Variants in LRCH2 observed in about 807,000 individuals in gnomAD.
LRCH2 encodes the protein leucine rich repeats and calponin homology domain containing 2.
Under a neutral mutation model 68.9 loss-of-function variants are expected in LRCH2, and 38 were observed. That is an observed-to-expected ratio of 0.55 (90% CI 0.43 to 0.72). The LOEUF is 0.72. Among genes scored for constraint, LRCH2 ranks in the 30% least tolerant of loss-of-function variants. LRCH2 has a pLI of 0.00. For missense variants in LRCH2, 528 were observed against 572.9 expected (o/e 0.92, Z 0.80); for synonymous variants, 191 against 208.1 (o/e 0.92, Z 0.71).
intron 1 of LRCH2, among the ~76,000 whole-genome samples, chrX:115,205,472 T>A (rs1204118749): frequency 8.9e-6 from 1 of 112,248 alleles, no homozygotes; most frequent in Non-Finnish European, 1.9e-5. Flanking sequence ...CTTCATCAAT[T>A]TTCATCATCA....
intron 20 of LRCH2, among the ~76,000 whole-genome samples, chrX:115,116,340 G>A (rs782629529): frequency 4.5e-5 from 5 of 111,227 alleles, no homozygotes; most frequent in Non-Finnish European, 7.6e-5. Context: ...ACAACATGTG[G>A]TATGTATTTA....
At chrX:115,118,849 C>A (rs1374474309) in intron 20 of LRCH2, among the ~76,000 whole-genome samples, 1 of 110,439 alleles carries the variant, frequency 9.1e-6, no homozygotes, top group Non-Finnish European at 1.9e-5. Context: ...CCCTGGGATG[C>A]AAGGCTGGTT....
rs376886499 is a variant in LRCH2 at position 115,122,504 on chromosome X, G to A, written c.2178+23C>T. 8 of 1,151,404 alleles carry A rather than the reference G, an allele frequency of 6.9e-6. No homozygotes were observed. The African/African-American group carries it at 1.1e-4, about 15-fold the overall frequency. 94.9% of individuals were successfully genotyped at this position (1,151,404 alleles called of 1,213,427 possible). ...AATAAATTCAAATTTAAGTGATCAC[G>A]TTGTTAGATAAATAACAATTACCTG... On this transcript the variant is annotated intron_variant, in intron 20 of 20. Transcript: ENST00000317135.
intron 1 of LRCH2, among the ~76,000 whole-genome samples, chrX:115,218,835 G>A (rs782398107): frequency 1.8e-5 from 2 of 111,916 alleles, no homozygotes; most frequent in Non-Finnish European, 3.8e-5. Flanking sequence ...TTTCCCTTTC[G>A]ATAAATCTCA....
chrX:115,165,583 A>G lies in LRCH2; in HGVS notation c.1271T>C (p.Ile424Thr), dbSNP rs1556544295. Residue 424 changes from isoleucine to threonine, a missense_variant, in exon 9 of 21, where the codon ATT becomes ACT. Ile to Thr is a moderately conservative substitution (Grantham distance 89). Coordinates refer to ENST00000317135, the MANE Select transcript of LRCH2 (RefSeq NM_020871.4). The stretch of plus-strand genomic sequence containing the variant: ...CTTAAAGAATGATACAAATGATCCA[A>G]TATGTGCATTTCCCTGTTCAGGAAC... ...VAVPEQGNAH[I>T]GSFVSFFKGK... The G allele has an allele frequency of 8.6e-7, 1 of 1,161,842 alleles. No homozygotes were observed. The highest frequency in any genetic ancestry group is 1.2e-6 in the Non-Finnish European group (1 of 868,689).
rs192210269 is a variant in LRCH2, at chrX:115,195,918, A to G, written c.350-7548T>C. 2.0e-3 allele frequency among the ~76,000 whole-genome samples: 221 copies of G among 111,986 alleles called. 1 individual carries two copies. The highest frequency in any genetic ancestry group is 6.1e-3 in the African/African-American group (189 of 30,823). ...CCTGGGTCCCACACAATTCCTGAGA[A>G]CTAAGTAGCCACAGTAAGATGCGAT... On this transcript the variant is annotated intron_variant, in intron 1 of 20. Coordinates refer to ENST00000317135, the MANE Select transcript of LRCH2 (RefSeq NM_020871.4).
In LRCH2 at chrX:115,121,328, C is replaced by T. The variant is rs1161031318; in HGVS notation, c.2178+1199G>A. On this transcript the variant is annotated intron_variant, in intron 20 of 20. Coordinates refer to ENST00000317135, the MANE Select transcript of LRCH2 (RefSeq NM_020871.4). ...AAAGATTGAGAGTAGAAAAAAGAAA[C>T]AACAAACATTTTTAAGAATTAAAAA... Among the ~76,000 whole-genome samples, 6 of 110,868 alleles carry T rather than the reference C, an allele frequency of 5.4e-5. No individual in the cohort carries two copies. The Admixed American group carries it at 5.8e-4, about 11-fold the overall frequency.
intron 5 of LRCH2, among the ~76,000 whole-genome samples, chrX:115,174,855 T>C (rs2072635107): frequency 9.0e-6 from 1 of 111,649 alleles, no homozygotes; most frequent in Non-Finnish European, 1.9e-5. Flanking sequence ...TCCCTTTGCA[T>C]GCTAATGAAT....
intron 16 of LRCH2, among the ~76,000 whole-genome samples, 163 bp downstream of exon 16, chrX:115,126,680 G>A (rs781934100): frequency 9.0e-6 from 1 of 111,166 alleles, no homozygotes; most frequent in African/African-American, 3.3e-5. Flanking sequence ...TTATAGGCTA[G>A]AAGGTTTGTA....
intron 1 of LRCH2, chrX:115,190,549 C>T (rs782360886): frequency 7.3e-5 from 85 of 1,166,069 alleles, no homozygotes; most frequent in Non-Finnish European, 9.1e-5. Flanking sequence ...TAGTGGGGGC[C>T]GCAGCAGTTC....
At chrX:115,151,177 G>A (rs914348362) in intron 12 of LRCH2, among the ~76,000 whole-genome samples, 3 of 111,432 alleles carry the variant, frequency 2.7e-5, no homozygotes, top group African/African-American at 9.8e-5. Context: ...GGATGATCAC[G>A]AAGAGAAAAG....
chrX:115,115,039 C>T lies in LRCH2; in HGVS notation c.2179-1704G>A, dbSNP rs79857723. ...CTCATACACTGAAAACTACAAAACACTGTTGGAATAAAAATTAAAAGATAT... is the reference window on the plus strand; with the variant it reads ...CTCATACACTGAAAACTACAAAACATTGTTGGAATAAAAATTAAAAGATAT... On this transcript the variant is annotated intron_variant, in intron 20 of 20. Transcript: ENST00000317135. 7.2e-3 allele frequency among the ~76,000 whole-genome samples: 800 copies of T among 110,779 alleles called. 9 individuals are homozygous for T. The highest frequency in any genetic ancestry group is 0.025 in the African/African-American group (752 of 30,673).
Position 115,165,663 on chromosome X carries a change from C to A in LRCH2, c.1199-8G>T. ...AATCATATACCTCCTGGTCTAGGTACAGATTAATATTTATTAGAAAATGTA... is the reference window on the plus strand; with the variant it reads ...AATCATATACCTCCTGGTCTAGGTAAAGATTAATATTTATTAGAAAATGTA... On this transcript the variant is annotated splice_polypyrimidine_tract_variant and splice_region_variant and intron_variant, in intron 8 of 20. Transcript: ENST00000317135. 1.8e-6 allele frequency: 2 copies of A among 1,099,852 alleles called. No homozygotes were observed. The highest frequency in any genetic ancestry group is 2.4e-6 in the Non-Finnish European group (2 of 817,158). 90.6% of individuals were successfully genotyped at this position (1,099,852 alleles called of 1,213,427 possible).
At chrX:115,195,153 G>A (rs1318937506) in intron 1 of LRCH2, among the ~76,000 whole-genome samples, 5 of 109,877 alleles carry the variant, frequency 4.6e-5, no homozygotes, top group South Asian at 4.0e-4. Context: ...ACGTGGTGGC[G>A]CACGCCTGTA....
rs891714007 is a variant in LRCH2 at position 115,130,283 on chromosome X, T to C, written c.1696-84A>G. On this transcript the variant is annotated intron_variant, in intron 14 of 20. Coordinates refer to ENST00000317135, the MANE Select transcript of LRCH2 (RefSeq NM_020871.4). ...GTAAATTATGTACAAGGTTCTTTCATATTTTGGTAGCTTTATTACATTACC... is the reference window on the plus strand; with the variant it reads ...GTAAATTATGTACAAGGTTCTTTCACATTTTGGTAGCTTTATTACATTACC... 1.0e-5 allele frequency: 5 copies of C among 496,631 alleles called. No individual in the cohort carries two copies. In the African/African-American group the frequency reaches 1.2e-4, roughly 12 times the overall value. The allele number at this position is 496,631 out of a possible 1,213,427, so 40.9% of individuals were successfully genotyped here.
rs181591431 is a variant in LRCH2 at position 115,141,194 on chromosome X, C to T, written c.1695+8633G>A. On this transcript the variant is annotated intron_variant, in intron 14 of 20. Coordinates refer to ENST00000317135, the MANE Select transcript of LRCH2 (RefSeq NM_020871.4). ...TGGAGCTTGCAGTGAGCCGAGATCA[C>T]GCCACTGGGTGACAGAGCAAGACTC... 4.7e-4 allele frequency among the ~76,000 whole-genome samples: 50 copies of T among 105,838 alleles called. 1 individual carries two copies. Among genetic ancestry groups the T allele is most frequent in the African/African-American group, 1.4e-3 (40 of 28,792 alleles). The allele number at this position is 105,838 out of a possible 115,157, so 91.9% of individuals were successfully genotyped here. A position where few individuals can be genotyped will look rare whatever the true frequency, so the allele number is the denominator to read the frequency against.
chrX:115,212,532 C>T (rs1556570223), intron 1 of LRCH2, among the ~76,000 whole-genome samples: 2 of 111,595 alleles, frequency 1.8e-5, no homozygotes, highest in East Asian at 5.7e-4. Context: ...CAGTATCTTG[C>T]TTTGTCGCCC....
intron 12 of LRCH2, among the ~76,000 whole-genome samples, chrX:115,152,830 C>T (rs782544239): frequency 5.3e-4 from 58 of 110,127 alleles, no homozygotes; most frequent in African/African-American, 1.8e-3. Context: ...TTACTTAAAA[C>T]GAGTGATAAA....
At chrX:115,224,398 G>T (rs1396296836) in intron 1 of LRCH2, among the ~76,000 whole-genome samples, 2 of 111,426 alleles carry the variant, frequency 1.8e-5, no homozygotes, top group Admixed American at 1.9e-4. Context: ...AAGAAAAGAA[G>T]TAGGCCAGGT....
Sources: gnomAD v4.1 joint callset for allele counts (sites outside exome capture counted in the v4.1 genomes callset) on GRCh38, gnomAD v4.1.1 for gene constraint, MANE v1.5 for transcripts, NCBI Gene and HGNC (gene_info 2026-07-23, HGNC 2026-07-21) for gene names.